MAPK8IP3: variants seen among roughly 807,000 people sequenced by gnomAD.
MAPK8IP3 encodes the protein C-Jun-amino-terminal kinase-interacting protein 3.
In MAPK8IP3, 49 loss-of-function variants were observed where a neutral mutation model predicts 157.8. That is an observed-to-expected ratio of 0.31 (90% CI 0.25 to 0.39). The LOEUF (loss-of-function observed/expected upper bound fraction) is 0.39, where lower values mean the gene tolerates loss of function less well. Among genes scored for constraint, MAPK8IP3 ranks in the 10% least tolerant of loss-of-function variants. MAPK8IP3 has a pLI of 1.00. For synonymous variants in MAPK8IP3, 897 were observed against 777.7 expected (o/e 1.15, Z -2.55); for missense variants, 1,478 against 1,889.4 (o/e 0.78, Z 4.04).
rs2041291375 is a variant in MAPK8IP3 at position 1,751,574 on chromosome 16, G to C, written c.1216+2854G>C. On this transcript the variant is annotated intron_variant, in intron 8 of 31. Coordinates refer to ENST00000610761, the MANE Select transcript of MAPK8IP3 (RefSeq NM_001318852.2). The surrounding 1 kb of genome is among the most constrained non-coding windows in gnomAD (Gnocchi z 5.0). ...TGAGCAAGGTCTGTGCTGTTCAGTA[G>C]CTCTATTGAGATGTGATTTCCACAC... The C allele has an allele frequency of 6.6e-6, 1 of 152,176 alleles. No homozygotes were observed. The allele number at this position is 152,176 out of a possible 1,614,324, so 9.4% of individuals were successfully genotyped here.
intron 13 of MAPK8IP3, among the ~76,000 whole-genome samples, chr16:1,761,924 G>A (rs534531707): frequency 6.6e-6 from 1 of 152,146 alleles, no homozygotes; most frequent in East Asian, 1.9e-4. Flanking sequence ...TCTCTGTACA[G>A]AATCAGTATA....
chr16:1,770,302 A>G lies in MAPK8IP3; in HGVS notation c.*1478A>G, dbSNP rs1010381076. 4.0e-6 allele frequency: 1 copy of G among 252,818 alleles called. No individual in the cohort carries two copies. Among genetic ancestry groups the G allele is most frequent in the Non-Finnish European group, 7.6e-6 (1 of 132,230 alleles). The allele number at this position is 252,818 out of a possible 1,614,324, so 15.7% of individuals were successfully genotyped here. ...CACATATCTGCTCTGTATGTAATAAATGTCTTAACGTCGTAGCTGCCTGTT... is the reference window on the plus strand; with the variant it reads ...CACATATCTGCTCTGTATGTAATAAGTGTCTTAACGTCGTAGCTGCCTGTT... On this transcript the variant is annotated 3_prime_UTR_variant, in exon 32 of 32. Transcript: ENST00000610761.
At position 1,724,542 on chromosome 16, in the gene MAPK8IP3, C is replaced by G. The variant is rs777687546; in HGVS notation, c.319-15C>G. On this transcript the variant is annotated splice_polypyrimidine_tract_variant and intron_variant, in intron 1 of 31. Coordinates refer to ENST00000610761, the MANE Select transcript of MAPK8IP3 (RefSeq NM_001318852.2). The surrounding 1 kb of genome is among the most constrained non-coding windows in gnomAD (Gnocchi z 4.1). ...CACTCCTGATGACTGCTCTTTCCCT[C>G]CCTTCCATGCACAGAAATTCATTGA... 3.7e-6 allele frequency: 6 copies of G among 1,612,194 alleles called. No individual in the cohort carries two copies. In the African/African-American group the frequency reaches 5.3e-5, roughly 14 times the overall value.
At position 1,743,246 on chromosome 16, in the gene MAPK8IP3, G is replaced by A. The variant is rs565156213; in HGVS notation, c.603-86G>A. 5.8e-4 allele frequency: 838 copies of A among 1,451,040 alleles called. 7 individuals carry two copies. Among genetic ancestry groups the A allele is most frequent in the Non-Finnish European group, 1.5e-4 (163 of 1,109,312 alleles). The allele number at this position is 1,451,040 out of a possible 1,614,324, so 89.9% of individuals were successfully genotyped here. A position where few individuals can be genotyped will look rare whatever the true frequency, so the allele number is the denominator to read the frequency against. ...CTGGCATGGAGCGGCCCCATCACTC[G>A]AGGTCTGCTTGCCCTGGGAGGGCTT... On this transcript the variant is annotated intron_variant, in intron 4 of 31. Transcript: ENST00000610761. This position sits in a 1 kb window ranked among gnomAD's most constrained non-coding sequence, Gnocchi z 5.6.
chr16:1,730,341 C>T (rs1596598575), intron 4 of MAPK8IP3, among the ~76,000 whole-genome samples: 2 of 152,270 alleles, frequency 1.3e-5, no homozygotes, highest in African/African-American at 2.4e-5. Flanking sequence ...TGGTGGCTCA[C>T]GCCTGTAATC....
Position 1,706,253 on chromosome 16 carries a change from G to C in MAPK8IP3, c.-87G>C. On this transcript the variant is annotated 5_prime_UTR_variant, in exon 1 of 32. Transcript: ENST00000610761. This position sits in a 1 kb window ranked among gnomAD's most constrained non-coding sequence, Gnocchi z 5.1. The stretch of plus-strand genomic sequence containing the variant: ...CGACAGCAGCTGCGGGAGGCGACGG[G>C]CTGCGGCCTGCGGAACCTGAGGCAG... The C allele has an allele frequency of 7.9e-7, 1 of 1,268,010 alleles. No homozygotes were observed. The highest frequency in any genetic ancestry group is 1.0e-6 in the Non-Finnish European group (1 of 968,528). The allele number at this position is 1,268,010 out of a possible 1,614,324, so 78.5% of individuals were successfully genotyped here.
chr16:1,744,939 G>A, intron 5 of MAPK8IP3: 1 of 980,602 alleles, frequency 1.0e-6, no homozygotes, highest in Non-Finnish European at 1.2e-6. Flanking sequence ...GTTGTTTTTT[G>A]TTTTGTTTTG....
At chr16:1,755,550 A>G (rs1433730127) in intron 8 of MAPK8IP3, among the ~76,000 whole-genome samples, 1 of 152,144 alleles carries the variant, frequency 6.6e-6, no homozygotes, top group Non-Finnish European at 1.5e-5. Context: ...AACAAAGGAT[A>G]GTAGAACTGG....
At chr16:1,762,143 G>T (rs1056989054) in intron 13 of MAPK8IP3, among the ~76,000 whole-genome samples, 1 of 152,224 alleles carries the variant, frequency 6.6e-6, no homozygotes, top group African/African-American at 2.4e-5. Context: ...GCAGGATGCC[G>T]GGTCCCCTGT....
intron 11 of MAPK8IP3, 29 bp from the exon 12 acceptor site, chr16:1,760,351 G>A: frequency 6.3e-7 from 1 of 1,597,746 alleles, no homozygotes; most frequent in African/African-American, 1.3e-5. Flanking sequence ...CCGCGCCCGT[G>A]GCACTCCCAT....
chr16:1,737,723 CGTGT>C lies in MAPK8IP3; in HGVS notation c.603-5607_603-5604del, dbSNP rs1192270790. Among the ~76,000 whole-genome samples the C allele has an allele frequency of 2.9e-5, 2 of 69,714 alleles. 1 individual carries two copies. Among genetic ancestry groups the C allele is most frequent in the Admixed American group, 3.9e-4 (2 of 5,140 alleles). 45.7% of individuals were successfully genotyped at this position (69,714 alleles called of 152,430 possible). On this transcript the variant is annotated intron_variant, in intron 4 of 31. Coordinates refer to ENST00000610761, the MANE Select transcript of MAPK8IP3 (RefSeq NM_001318852.2). ...CCATGTGAGCATCTGTGTGACCGTC[CGTGT>C]GAGCATCCGTGTGAGCGTGACCATC...
rs1345027588 is a variant in MAPK8IP3 at position 1,739,898 on chromosome 16, GCATC to G, written c.603-3432_603-3429del. On this transcript the variant is annotated intron_variant, in intron 4 of 31. Transcript: ENST00000610761. ...AGCATCCGTGTGACCGTCCGTGTGA[GCATC>G]CCTGTGACCGTCCGTGTGAGCTTCC... is the stretch of plus-strand genomic sequence containing the variant. Among the ~76,000 whole-genome samples, 4 of 121,256 alleles carry G rather than the reference GCATC, an allele frequency of 3.3e-5. No homozygotes were observed. In the East Asian group the frequency reaches 7.9e-4, roughly 24 times the overall value. 79.5% of individuals were successfully genotyped at this position (121,256 alleles called of 152,430 possible).
In MAPK8IP3 at chr16:1,767,133, C is replaced by T. The variant is rs376027335; in HGVS notation, c.3089-16C>T. On this transcript the variant is annotated splice_polypyrimidine_tract_variant and intron_variant, in intron 25 of 31. Transcript: ENST00000610761. Reference sequence around the variant, plus strand: ...GGCCTGGCCAGGCCTGAGCAGGTGTCCGGGGCTCCCTCCAGATGGCCAGTG... The same window carrying T: ...GGCCTGGCCAGGCCTGAGCAGGTGTTCGGGGCTCCCTCCAGATGGCCAGTG... 1 of 1,612,348 alleles carries T rather than the reference C, an allele frequency of 6.2e-7. No individual in the cohort carries two copies. The highest frequency in any genetic ancestry group is 1.3e-5 in the African/African-American group (1 of 74,922).
chr16:1,746,878 C>G, intron 5 of MAPK8IP3, 151 bp from the exon 6 acceptor site: 3 of 953,794 alleles, frequency 3.1e-6, no homozygotes, highest in Non-Finnish European at 4.6e-6. Context: ...AAGGGTTAGC[C>G]CGGTGGGCGG....
chr16:1,758,618 C>G (rs1028069727), intron 9 of MAPK8IP3, among the ~76,000 whole-genome samples: 4 of 152,226 alleles, frequency 2.6e-5, no homozygotes, highest in Non-Finnish European at 4.4e-5. Context: ...CACCCAGAGG[C>G]TGTCCAGATG....
chr16:1,735,342 ATGTGAGCG>A (rs2039607913), intron 4 of MAPK8IP3, among the ~76,000 whole-genome samples: 2 of 148,334 alleles, frequency 1.3e-5, no homozygotes, highest in South Asian at 2.2e-4. Flanking sequence ...GTGAGCGTCC[ATGTGAGCG>A]TGTGAGCGTC....
intron 4 of MAPK8IP3, among the ~76,000 whole-genome samples, chr16:1,736,744 A>T (rs569869559): frequency 8.2e-5 from 3 of 36,440 alleles, no homozygotes; most frequent in African/African-American, 3.7e-4. Context: ...GCGTGTGACC[A>T]TCCATGTGAG....
intron 2 of MAPK8IP3, among the ~76,000 whole-genome samples, chr16:1,727,874 T>G (rs2038998502): frequency 6.6e-6 from 1 of 152,192 alleles, no homozygotes; most frequent in South Asian, 2.1e-4. Context: ...AAGTGAGATG[T>G]TGAGCCACAT....
Position 1,764,584 on chromosome 16 carries a change from G to A in MAPK8IP3, c.2280+125G>A. On this transcript the variant is annotated intron_variant, in intron 19 of 31. Coordinates refer to ENST00000610761, the MANE Select transcript of MAPK8IP3 (RefSeq NM_001318852.2). ...AGCACCCGGAAGCAGGGCAGCGCAG[G>A]GGCTCCTAGACTGCGGGAAGCAGTG... 4.5e-6 allele frequency: 6 copies of A among 1,326,336 alleles called. No homozygotes were observed. The South Asian group carries it at 8.8e-5, about 19-fold the overall frequency. The allele number at this position is 1,326,336 out of a possible 1,614,324, so 82.2% of individuals were successfully genotyped here. A position where few individuals can be genotyped will look rare whatever the true frequency, so the allele number is the denominator to read the frequency against.
Sources: allele counts gnomAD v4.1 joint callset (sites outside exome capture counted in the v4.1 genomes callset), GRCh38; gene constraint gnomAD v4.1.1; non-coding constraint Gnocchi (gnomAD v3.1); transcripts MANE v1.5; gene names NCBI Gene and HGNC (gene_info 2026-07-23, HGNC 2026-07-21).